The following RNF216 variants were observed in gnomAD, a reference collection of about 807,000 sequenced individuals.
RNF216 encodes the protein ring finger protein 216.
RNF216 carries 72 observed loss-of-function variants against 110.8 expected under a neutral mutation model. The ratio of observed to expected loss-of-function variants is 0.65; its 90% CI spans 0.54 to 0.79. The LOEUF (loss-of-function observed/expected upper bound fraction) is 0.79. Ranked by LOEUF, RNF216 falls within the 30% of genes least tolerant of loss-of-function variation. RNF216 has a pLI of 0.00. For missense variants in RNF216, 1,342 were observed against 1,141.2 expected (o/e 1.18, Z -2.54); for synonymous variants, 495 against 407.5 (o/e 1.21, Z -2.59).
intron 14 of RNF216, among the ~76,000 whole-genome samples, chr7:5,646,152 C>A (rs1562785607): frequency 6.6e-6 from 1 of 152,190 alleles, no homozygotes; most frequent in East Asian, 1.9e-4. Flanking sequence ...TGAGAAGAGT[C>A]TAGAAATCAG....
chr7:5,779,530 T>A (rs1796958922), intron 1 of RNF216, among the ~76,000 whole-genome samples: 1 of 151,938 alleles, frequency 6.6e-6, no homozygotes, highest in Non-Finnish European at 1.5e-5. Flanking sequence ...CCCGCTTCTC[T>A]CCCTTCTCAG....
Position 5,763,917 on chromosome 7 carries a change from G to A in RNF216, c.-69-2779C>T, listed in dbSNP as rs184233391. ...AAAAATAAAACAGACGGCAGGGCAC[G>A]ACAGCTCATGGCTGTAATCTAAGCA... On this transcript the variant is annotated intron_variant, in intron 1 of 16. Coordinates refer to ENST00000389902, the MANE Select transcript of RNF216 (RefSeq NM_207111.4). Among the ~76,000 whole-genome samples, 461 of 152,228 alleles carry A rather than the reference G, an allele frequency of 3.0e-3. 5 individuals carry two copies. The highest frequency in any genetic ancestry group is 0.011 in the African/African-American group (446 of 41,538).
chr7:5,663,327 T>A (rs1226416583), intron 13 of RNF216, among the ~76,000 whole-genome samples: 1 of 152,124 alleles, frequency 6.6e-6, no homozygotes, highest in Non-Finnish European at 1.5e-5. Context: ...ACGCCTGTAA[T>A]CCCAGCACTT....
Position 5,751,827 on chromosome 7 carries a change from TAAAAAAAA to T in RNF216, c.201+1011_201+1018del, listed in dbSNP as rs3075700. Among the ~76,000 whole-genome samples the T allele has an allele frequency of 3.8e-3, 143 of 37,304 alleles. 1 individual carries two copies. The highest frequency in any genetic ancestry group is 0.016 in the African/African-American group (137 of 8,570). 24.5% of individuals were successfully genotyped at this position (37,304 alleles called of 152,430 possible). A position where few individuals can be genotyped will look rare whatever the true frequency, so the allele number is the denominator to read the frequency against. Reference sequence around the variant, plus strand: ...ATAAAGCCAACTGGGATCTTTAAACTAAAAAAAAAAAAAAAAAAAAAAAAAAAAAGCAA... The same window carrying T: ...ATAAAGCCAACTGGGATCTTTAAACTAAAAAAAAAAAAAAAAAAAAAGCAA... On this transcript the variant is annotated intron_variant, in intron 3 of 16. Transcript: ENST00000389902.
At chr7:5,635,290 C>CTT (rs755049416) in intron 15 of RNF216, among the ~76,000 whole-genome samples, 22 of 135,850 alleles carry the variant, frequency 1.6e-4, no homozygotes, top group South Asian at 4.8e-4. Context: ...ACTAACTTCA[C>CTT]TTTTTTTTTT....
chr7:5,752,797 G>C, intron 3 of RNF216, 49 bp downstream of exon 3: 1 of 1,592,626 alleles, frequency 6.3e-7, no homozygotes, highest in Non-Finnish European at 8.5e-7. Flanking sequence ...TGAAAAATCA[G>C]ATCACCAACT....
At chr7:5,715,657 AAGC>A (rs1431555184) in intron 10 of RNF216, among the ~76,000 whole-genome samples, 1 of 152,172 alleles carries the variant, frequency 6.6e-6, no homozygotes, top group Non-Finnish European at 1.5e-5. Context: ...GCTATAACTA[AAGC>A]AGCAACCTCA....
Position 5,758,717 on chromosome 7 carries a change from G to A in RNF216, c.67+2286C>T, listed in dbSNP as rs748621721. 1.3e-4 allele frequency among the ~76,000 whole-genome samples: 20 copies of A among 152,116 alleles called. 1 individual carries two copies. The highest frequency in any genetic ancestry group is 2.1e-4 in the Non-Finnish European group (14 of 68,032). ...TCCCTTTTGGAACAGGAGTATATAC[G>A]CAATGCATGTACCCCCATAGTATCT... On this transcript the variant is annotated intron_variant, in intron 2 of 16. Coordinates refer to ENST00000389902, the MANE Select transcript of RNF216 (RefSeq NM_207111.4).
chr7:5,741,017 C>T lies in RNF216; in HGVS notation c.1000G>A (p.Ala334Thr). The T allele has an allele frequency of 6.2e-7, 1 of 1,613,358 alleles. No individual in the cohort carries two copies. The highest frequency in any genetic ancestry group is 8.5e-7 in the Non-Finnish European group (1 of 1,179,760). ...NLENIWGQEA[A>T]EVDQELVELL... ...TCAACGAGCTCTTGATCTACCTCTG[C>T]AGCTTCTTGCCCCCAAATGTTTTCC... Residue 334 changes from alanine (A) to threonine (T), a missense_variant, in exon 4 of 17, where the codon GCA (alanine) becomes ACA (threonine). Transcript: ENST00000389902.
chr7:5,675,109 A>C (rs1790194886), intron 13 of RNF216, among the ~76,000 whole-genome samples: 1 of 152,206 alleles, frequency 6.6e-6, no homozygotes, highest in African/African-American at 2.4e-5. Flanking sequence ...ACAATTTAAA[A>C]GGTGAATTTT....
At chr7:5,732,312 A>G (rs934990785) in intron 5 of RNF216, among the ~76,000 whole-genome samples, 1 of 152,024 alleles carries the variant, frequency 6.6e-6, no homozygotes, top group Admixed American at 6.6e-5. Flanking sequence ...AACTCATTAC[A>G]TGTGCATATT....
At chr7:5,767,996 G>T (rs1796294576) in intron 1 of RNF216, among the ~76,000 whole-genome samples, 1 of 152,034 alleles carries the variant, frequency 6.6e-6, no homozygotes, top group African/African-American at 2.4e-5. Context: ...AATCTTAAGG[G>T]TTAAGAGCAA....
At chr7:5,746,381 C>A (rs185052828) in intron 3 of RNF216, among the ~76,000 whole-genome samples, 18 of 152,230 alleles carry the variant, frequency 1.2e-4, no homozygotes, top group Non-Finnish European at 2.6e-4. Flanking sequence ...TTGAGTCAAG[C>A]CCCCAAGATT....
intron 5 of RNF216, among the ~76,000 whole-genome samples, chr7:5,736,876 C>A (rs918576679): frequency 6.6e-6 from 1 of 151,666 alleles, no homozygotes; most frequent in African/African-American, 2.4e-5. Context: ...AGGAGCCCCT[C>A]CGCCCGGCAG....
intron 5 of RNF216, among the ~76,000 whole-genome samples, chr7:5,737,329 T>A (rs1037823087): frequency 6.6e-6 from 1 of 152,082 alleles, no homozygotes; most frequent in Non-Finnish European, 1.5e-5. Context: ...GGCAGCATGC[T>A]TGTTAAGAGT....
chr7:5,628,014 C>T (rs3807572), intron 15 of RNF216, among the ~76,000 whole-genome samples: 29,025 of 152,188 alleles, frequency 0.19, 3,762 homozygotes, highest in East Asian at 0.75. Flanking sequence ...GTTTCTGATA[C>T]AGATCGGCGG....
At chr7:5,634,294 C>G (rs960521414) in intron 15 of RNF216, among the ~76,000 whole-genome samples, 2 of 150,338 alleles carry the variant, frequency 1.3e-5, no homozygotes, top group Admixed American at 1.3e-4. Flanking sequence ...GGTGCTTCCC[C>G]TCTGAGATTC....
chr7:5,641,900 G>C (rs1347993344), intron 14 of RNF216, among the ~76,000 whole-genome samples: 1 of 151,872 alleles, frequency 6.6e-6, no homozygotes, highest in Non-Finnish European at 1.5e-5. Context: ...AGGCGTGGTA[G>C]TGCACACCTG....
rs564740536 is a variant in RNF216 at position 5,778,995 on chromosome 7, C to T, written c.-70+2546G>A. Among the ~76,000 whole-genome samples, 8 of 152,342 alleles carry T rather than the reference C, an allele frequency of 5.3e-5. No individual in the cohort carries two copies. The South Asian group carries it at 6.2e-4, about 12-fold the overall frequency. On this transcript the variant is annotated intron_variant, in intron 1 of 16. Transcript: ENST00000389902. ...CTGACCTTAGGTGATCTGCCCGCCTCGGCCTCCCAAAGTGCTGGGATTACG... is the reference window on the plus strand; with the variant it reads ...CTGACCTTAGGTGATCTGCCCGCCTTGGCCTCCCAAAGTGCTGGGATTACG...
Sources: allele counts gnomAD v4.1 joint callset (sites outside exome capture counted in the v4.1 genomes callset), GRCh38; gene constraint gnomAD v4.1.1; transcripts MANE v1.5; gene names NCBI Gene and HGNC (gene_info 2026-07-23, HGNC 2026-07-21).